Variants in TENM4 observed in about 807,000 individuals in gnomAD.
The protein encoded by TENM4 is teneurin-4.
Under a neutral mutation model 243.3 loss-of-function variants are expected in TENM4, and 82 were observed. The observed-to-expected ratio is 0.34, with a 90% CI of 0.28 to 0.40. TENM4 has a LOEUF of 0.40. Ranked by LOEUF, TENM4 falls within the 10% of genes least tolerant of loss-of-function variation. The pLI is 1.00. For missense variants in TENM4, 3,138 were observed against 3,673.3 expected, an observed-to-expected ratio of 0.85 and a Z score of 3.77; for synonymous variants, 1,412 against 1,456.3, an observed-to-expected ratio of 0.97 and a Z score of 0.69.
intron 1 of TENM4, among the ~76,000 whole-genome samples, chr11:79,336,392 C>G (rs1033822460): frequency 2.0e-5 from 3 of 151,974 alleles, no homozygotes; most frequent in Admixed American, 2.0e-4. Flanking sequence ...TATTAGATGA[C>G]AGAGGAAAAA....
At chr11:78,713,744 C>T (rs1251921727) in intron 25 of TENM4, among the ~76,000 whole-genome samples, 1 of 152,096 alleles carries the variant, frequency 6.6e-6, no homozygotes, top group African/African-American at 2.4e-5. Flanking sequence ...TTTTAATTAC[C>T]AATGATTGTG....
At chr11:79,224,747 T>C (rs1223846346) in intron 2 of TENM4, among the ~76,000 whole-genome samples, 2 of 152,212 alleles carry the variant, frequency 1.3e-5, no homozygotes, top group East Asian at 3.9e-4. Context: ...GGTCTGAAGT[T>C]GGAGACCAGC....
intron 14 of TENM4, among the ~76,000 whole-genome samples, chr11:78,809,788 A>C (rs941940088): frequency 6.6e-6 from 1 of 152,226 alleles, no homozygotes; most frequent in African/African-American, 2.4e-5. Flanking sequence ...CATTCAAGCC[A>C]AATTTCTGGC....
intron 4 of TENM4, among the ~76,000 whole-genome samples, chr11:79,114,339 G>A (rs748080939): frequency 1.3e-4 from 20 of 152,168 alleles, no homozygotes; most frequent in Non-Finnish European, 1.9e-4. Flanking sequence ...GTGTCTGCAA[G>A]GCAAGAGGTA....
intron 1 of TENM4, among the ~76,000 whole-genome samples, chr11:79,368,388 G>A (rs984019205): frequency 3.3e-5 from 5 of 152,234 alleles, no homozygotes; most frequent in Non-Finnish European, 7.3e-5. Context: ...CCTCGACAGA[G>A]ACAGTGAGAA....
intron 3 of TENM4, among the ~76,000 whole-genome samples, chr11:79,178,584 A>G (rs2135132941): frequency 6.6e-6 from 1 of 152,350 alleles, no homozygotes; most frequent in East Asian, 1.9e-4. Flanking sequence ...AACCACGTAA[A>G]TAGTTTGAGT....
chr11:78,737,486 A>G (rs1855828387), intron 20 of TENM4, among the ~76,000 whole-genome samples: 1 of 152,236 alleles, frequency 6.6e-6, no homozygotes, highest in Admixed American at 6.5e-5. Flanking sequence ...ACATGTTCAC[A>G]TCTGATATTG....
chr11:79,134,122 T>C (rs1202843028), intron 4 of TENM4, among the ~76,000 whole-genome samples: 8 of 152,140 alleles, frequency 5.3e-5, no homozygotes, highest in African/African-American at 1.9e-4. Flanking sequence ...AGAAAGCTCC[T>C]AGAACTGATA....
intron 18 of TENM4, among the ~76,000 whole-genome samples, chr11:78,762,298 G>A (rs1310915941): frequency 1.3e-5 from 2 of 152,180 alleles, no homozygotes; most frequent in Non-Finnish European, 2.9e-5. Flanking sequence ...AGCCTCCCTT[G>A]AACCACATTC....
At chr11:78,685,915 G>C (rs873273) in intron 29 of TENM4, among the ~76,000 whole-genome samples, 5,181 of 152,286 alleles carry the variant, frequency 0.034, 167 homozygotes, top group African/African-American at 0.066. Flanking sequence ...ACAGTTCCCA[G>C]CTCATAACTC....
intron 6 of TENM4, among the ~76,000 whole-genome samples, chr11:78,974,723 C>CTT (rs5792830): frequency 0.016 from 2,102 of 129,208 alleles, 47 homozygotes; most frequent in African/African-American, 0.052. Context: ...CTTTTCTTTT[C>CTT]TTTTTTTTTT....
intron 1 of TENM4, among the ~76,000 whole-genome samples, chr11:79,425,296 T>C (rs1187087519): frequency 2.0e-5 from 3 of 152,180 alleles, no homozygotes; most frequent in Non-Finnish European, 2.9e-5. Flanking sequence ...GGAAGCTTCT[T>C]AATAGACTTG....
At chr11:78,886,983 A>C (rs969760103) in intron 9 of TENM4, among the ~76,000 whole-genome samples, 7 of 152,156 alleles carry the variant, frequency 4.6e-5, no homozygotes, top group African/African-American at 1.4e-4. Flanking sequence ...TGACTGCAAT[A>C]GTTTCCCAAC....
intron 6 of TENM4, among the ~76,000 whole-genome samples, chr11:79,034,014 T>A (rs1359807359): frequency 6.6e-6 from 1 of 152,106 alleles, no homozygotes; most frequent in African/African-American, 2.4e-5. Flanking sequence ...AAGAGCAGGG[T>A]TGGGTCACCA....
At chr11:79,205,659 A>C (rs926928897) in intron 3 of TENM4, among the ~76,000 whole-genome samples, 1 of 152,244 alleles carries the variant, frequency 6.6e-6, no homozygotes, top group Non-Finnish European at 1.5e-5. Flanking sequence ...ATTCCTTGTT[A>C]GTGCTGAGTA....
intron 1 of TENM4, among the ~76,000 whole-genome samples, chr11:79,326,249 C>T (rs1211798880): frequency 2.0e-5 from 3 of 152,136 alleles, no homozygotes; most frequent in South Asian, 2.1e-4. Flanking sequence ...ATCATAAGTC[C>T]CTAACCCCCT....
chr11:79,077,941 G>A (rs1431075641), intron 4 of TENM4, among the ~76,000 whole-genome samples: 2 of 152,186 alleles, frequency 1.3e-5, no homozygotes, highest in Non-Finnish European at 2.9e-5. Flanking sequence ...TGGCAAGAGT[G>A]TGGGGCCCGG....
intron 6 of TENM4, among the ~76,000 whole-genome samples, chr11:78,980,895 G>C (rs1467708787): frequency 6.6e-6 from 1 of 152,172 alleles, no homozygotes; most frequent in Admixed American, 6.5e-5. Context: ...CCTTTGGAAA[G>C]AGATTATTAT....
intron 6 of TENM4, among the ~76,000 whole-genome samples, chr11:78,985,412 G>A (rs1857894304): frequency 6.6e-6 from 1 of 152,168 alleles, no homozygotes; most frequent in South Asian, 2.1e-4. Flanking sequence ...AATAATGTGT[G>A]CTTCTCCACA....
Sources: allele counts gnomAD v4.1 joint callset (sites outside exome capture counted in the v4.1 genomes callset), GRCh38; gene constraint gnomAD v4.1.1; transcripts MANE v1.5; gene names NCBI Gene and HGNC (gene_info 2026-07-23, HGNC 2026-07-21).